SIL1: variants seen among roughly 807,000 people sequenced by gnomAD.
SIL1 encodes nucleotide exchange factor SIL1.
In SIL1, 40 loss-of-function variants were observed where a neutral mutation model predicts 49.1. The ratio of observed to expected loss-of-function variants is 0.81; its 90% CI spans 0.63 to 1.06. The LOEUF (loss-of-function observed/expected upper bound fraction) is 1.06. Ranked by LOEUF, SIL1 falls within the 50% of genes least tolerant of loss-of-function variation. SIL1 has a pLI of 0.00. For missense variants in SIL1, 500 were observed against 572.6 expected, an observed-to-expected ratio of 0.87 and a Z score of 1.29; for synonymous variants, 253 against 250.8, an observed-to-expected ratio of 1.01 and a Z score of -0.08.
At chr5:139,045,135 T>C (rs889142929) in intron 4 of SIL1, among the ~76,000 whole-genome samples, 3 of 152,050 alleles carry the variant, frequency 2.0e-5, no homozygotes, top group African/African-American at 7.2e-5. Context: ...GGAGGGAGGA[T>C]TGCTTGAGCC....
chr5:139,037,100 C>T (rs115124914), intron 5 of SIL1, among the ~76,000 whole-genome samples: 1,915 of 148,818 alleles, frequency 0.013, 43 homozygotes, highest in African/African-American at 0.046. Context: ...AATATATTCA[C>T]GGCTATAAAA....
At chr5:139,123,782 G>A (rs542979857) in intron 2 of SIL1, among the ~76,000 whole-genome samples, 5 of 152,328 alleles carry the variant, frequency 3.3e-5, no homozygotes, top group South Asian at 2.1e-4. Flanking sequence ...CTGCTACTCC[G>A]CTGGTCTACC....
chr5:139,037,202 C>T (rs1418035021), intron 5 of SIL1, among the ~76,000 whole-genome samples: 1 of 151,986 alleles, frequency 6.6e-6, no homozygotes, highest in South Asian at 2.1e-4. Flanking sequence ...AATTCAATAT[C>T]GCTCAATCAT....
At chr5:138,990,575 C>T (rs1017440421) in intron 7 of SIL1, among the ~76,000 whole-genome samples, 3 of 152,168 alleles carry the variant, frequency 2.0e-5, no homozygotes, top group Non-Finnish European at 2.9e-5. Context: ...CCACTTCAGT[C>T]TCCAACCATG....
intron 3 of SIL1, among the ~76,000 whole-genome samples, chr5:139,105,743 G>A (rs1581103680): frequency 1.3e-5 from 2 of 152,304 alleles, no homozygotes; most frequent in South Asian, 2.1e-4. Flanking sequence ...TCCAACGGCC[G>A]CCTCCTCCAG....
chr5:139,063,376 C>T (rs1408765820), intron 3 of SIL1, among the ~76,000 whole-genome samples: 1 of 152,174 alleles, frequency 6.6e-6, no homozygotes, highest in Non-Finnish European at 1.5e-5. Context: ...AAGGGGGCCA[C>T]TTTCATGTGG....
intron 3 of SIL1, among the ~76,000 whole-genome samples, chr5:139,076,366 T>C (rs1467468820): frequency 6.6e-6 from 1 of 152,206 alleles, no homozygotes; most frequent in Non-Finnish European, 1.5e-5. Context: ...TTTGTACCTA[T>C]ATCAAGTTTT....
intron 1 of SIL1, among the ~76,000 whole-genome samples, chr5:139,151,639 A>T (rs1172267142): frequency 6.6e-6 from 1 of 152,226 alleles, no homozygotes; most frequent in Non-Finnish European, 1.5e-5. Context: ...ACACAGATTC[A>T]CAGGGAGAAC....
At chr5:139,019,083 C>A (rs900574125) in intron 7 of SIL1, among the ~76,000 whole-genome samples, 1 of 152,210 alleles carries the variant, frequency 6.6e-6, no homozygotes, top group Non-Finnish European at 1.5e-5. Flanking sequence ...ATACTATCCC[C>A]AGTGCTAGGA....
chr5:139,175,865 A>C (rs1008563202), intron 1 of SIL1, among the ~76,000 whole-genome samples: 3 of 152,216 alleles, frequency 2.0e-5, no homozygotes, highest in Non-Finnish European at 4.4e-5. Context: ...CAGGAGGCTG[A>C]GGCATGAGAA....
In SIL1 at chr5:139,040,484, C is replaced by CTTTTT. The variant is rs140792595; in HGVS notation, c.453+2131_453+2135dup. Among the ~76,000 whole-genome samples, 226 of 89,364 alleles carry CTTTTT rather than the reference C, an allele frequency of 2.5e-3. 35 individuals carry two copies. The highest frequency in any genetic ancestry group is 0.012 in the Middle Eastern group (2 of 166). 58.6% of individuals were successfully genotyped at this position (89,364 alleles called of 152,430 possible). ...TTGCAAGGGGAGAGGAGTATTTTTTCTTTTTTCTTTTTTCTTTTTTTTTTT... is the reference window on the plus strand; with the variant it reads ...TTGCAAGGGGAGAGGAGTATTTTTTCTTTTTTTTTTTCTTTTTTCTTTTTTTTTTT... On this transcript the variant is annotated intron_variant, in intron 5 of 9. Transcript: ENST00000394817.
At chr5:139,023,499 T>G (rs75801209) in intron 6 of SIL1, among the ~76,000 whole-genome samples, 3,302 of 152,310 alleles carry the variant, frequency 0.022, 129 homozygotes, top group African/African-American at 0.076. Context: ...AGAAGGCAAA[T>G]GTACTGCCCG....
At chr5:138,987,048 T>C (rs561535860) in intron 7 of SIL1, among the ~76,000 whole-genome samples, 1 of 152,162 alleles carries the variant, frequency 6.6e-6, no homozygotes, top group African/African-American at 2.4e-5. Flanking sequence ...GTCAATTTGA[T>C]ATTTGATGCA....
At chr5:138,992,787 G>A (rs1369314502) in intron 7 of SIL1, among the ~76,000 whole-genome samples, 1 of 151,900 alleles carries the variant, frequency 6.6e-6, no homozygotes, top group East Asian at 1.9e-4. Context: ...CTGGTGACAG[G>A]TGCACCAAAA....
chr5:139,122,556 C>T (rs1329877619), intron 2 of SIL1, among the ~76,000 whole-genome samples: 1 of 151,904 alleles, frequency 6.6e-6, no homozygotes, highest in Non-Finnish European at 1.5e-5. Context: ...GATGGCACCA[C>T]CACACTTCAG....
intron 1 of SIL1, among the ~76,000 whole-genome samples, chr5:139,168,528 G>C (rs191416951): frequency 5.3e-5 from 8 of 152,274 alleles, no homozygotes; most frequent in African/African-American, 1.7e-4. Context: ...TGCAGACAAA[G>C]TAGTAGCAGA....
intron 1 of SIL1, among the ~76,000 whole-genome samples, chr5:139,164,834 T>A (rs1194481624): frequency 1.3e-5 from 2 of 152,222 alleles, no homozygotes; most frequent in African/African-American, 4.8e-5. Flanking sequence ...GGGAGTCATG[T>A]CCTACAAACA....
intron 6 of SIL1, among the ~76,000 whole-genome samples, chr5:139,024,992 T>A (rs1768612050): frequency 6.6e-6 from 1 of 152,226 alleles, no homozygotes; most frequent in Admixed American, 6.5e-5. Context: ...TTCTCAATGC[T>A]GCCAGTTCCT....
intron 6 of SIL1, among the ~76,000 whole-genome samples, chr5:139,023,223 T>C (rs1182470614): frequency 6.6e-6 from 1 of 152,142 alleles, no homozygotes; most frequent in African/African-American, 2.4e-5. Flanking sequence ...CATCAAAAGC[T>C]GGGCCCCCCC....
Sources: gnomAD v4.1 joint callset for allele counts (sites outside exome capture counted in the v4.1 genomes callset) on GRCh38, gnomAD v4.1.1 for gene constraint, MANE v1.5 for transcripts, NCBI Gene and HGNC (gene_info 2026-07-23, HGNC 2026-07-21) for gene names.